Variants in PAK2 observed in about 807,000 individuals in gnomAD.
PAK2 encodes the protein p21 (RAC1) activated kinase 2, also known as serine/threonine-protein kinase PAK 2.
In PAK2, 21 loss-of-function variants were observed where a neutral mutation model predicts 65.9. That is an observed-to-expected ratio of 0.32 (90% CI 0.23 to 0.46). PAK2 has a LOEUF of 0.46. Among genes scored for constraint, PAK2 ranks in the 20% least tolerant of loss-of-function variants. The pLI is 1.00. For missense variants in PAK2, 324 were observed against 642.6 expected (o/e 0.50, Z 5.36); for synonymous variants, 204 against 219.7 (o/e 0.93, Z 0.63).
chr3:196,821,790 G>T (rs1711663009), intron 13 of PAK2, among the ~76,000 whole-genome samples: 1 of 152,202 alleles, frequency 6.6e-6, no homozygotes, highest in African/African-American at 2.4e-5. Context: ...TGACAATTCT[G>T]TGTGAAGTTA....
At chr3:196,815,521 T>G (rs1271882991) in intron 11 of PAK2, among the ~76,000 whole-genome samples, 5 of 146,850 alleles carry the variant, frequency 3.4e-5, no homozygotes, top group African/African-American at 7.6e-5. Context: ...GGGTACAGTG[T>G]CTCTCGCCTG....
chr3:196,816,271 T>TAA (rs1032637622), intron 11 of PAK2, among the ~76,000 whole-genome samples: 5 of 152,176 alleles, frequency 3.3e-5, no homozygotes, highest in Non-Finnish European at 7.4e-5. Context: ...ATTAAGGTGT[T>TAA]AAAAATATTA....
chr3:196,741,567 A>G (rs1384157357), intron 1 of PAK2, among the ~76,000 whole-genome samples: 1 of 152,222 alleles, frequency 6.6e-6, no homozygotes. Flanking sequence ...TGAACCTGTA[A>G]TAGATGTAGG....
At chr3:196,776,417 C>CT (rs906806224) in intron 1 of PAK2, among the ~76,000 whole-genome samples, 24 of 152,232 alleles carry the variant, frequency 1.6e-4, no homozygotes, top group African/African-American at 5.5e-4. Context: ...CATGCAACAC[C>CT]TTTTTTTATT....
chr3:196,814,580 T>C lies in PAK2; in HGVS notation c.1053+12T>C, dbSNP rs369676266. 2 of 1,025,550 alleles carry C rather than the reference T, an allele frequency of 2.0e-6. No homozygotes were observed. Among genetic ancestry groups the C allele is most frequent in the South Asian group, 2.6e-5 (2 of 76,498 alleles). The allele number at this position is 1,025,550 out of a possible 1,614,324, so 63.5% of individuals were successfully genotyped here. On this transcript the variant is annotated intron_variant, in intron 11 of 14. Transcript: ENST00000327134. The stretch of plus-strand genomic sequence containing the variant: ...CTGTATGCAGAGAGGTAGGTTTGCC[T>C]CCTTCTTGATATGTTATGGTGATAT...
chr3:196,765,143 CTTT>C (rs58406576), intron 1 of PAK2, among the ~76,000 whole-genome samples: 2,193 of 98,788 alleles, frequency 0.022, 46 homozygotes, highest in Admixed American at 0.079. Flanking sequence ...CGTGCCCGGC[CTTT>C]TTTTTTTTTT....
intron 7 of PAK2, chr3:196,808,182 C>T (rs1715648554): frequency 7.5e-6 from 2 of 266,936 alleles, no homozygotes; most frequent in Non-Finnish European, 1.4e-5. Flanking sequence ...GCTGGATGTG[C>T]TGGCATGTGC....
At chr3:196,811,987 TTC>T (rs1279190914) in intron 8 of PAK2, among the ~76,000 whole-genome samples, 1 of 152,138 alleles carries the variant, frequency 6.6e-6, no homozygotes, top group East Asian at 1.9e-4. Context: ...CTGCTCTTTT[TTC>T]CCTACATTTT....
intron 2 of PAK2, among the ~76,000 whole-genome samples, chr3:196,800,037 G>A (rs1349050844): frequency 6.6e-6 from 1 of 152,194 alleles, no homozygotes; most frequent in Non-Finnish European, 1.5e-5. Context: ...TAAATGAAAA[G>A]ATTTGCTGTT....
chr3:196,811,225 CT>C (rs1715785337), intron 8 of PAK2, among the ~76,000 whole-genome samples: 1 of 35,484 alleles, frequency 2.8e-5, no homozygotes, highest in Non-Finnish European at 5.6e-5. Flanking sequence ...CCCTCCCTCC[CT>C]TCCCTTCCCT....
At chr3:196,815,141 C>G (rs887697465) in intron 11 of PAK2, among the ~76,000 whole-genome samples, 6 of 151,766 alleles carry the variant, frequency 4.0e-5, no homozygotes, top group African/African-American at 1.5e-4. Flanking sequence ...GATCACACCA[C>G]TGCACTCCAG....
chr3:196,758,791 GACAGCAGGC>G (rs1713848053), intron 1 of PAK2, among the ~76,000 whole-genome samples: 1 of 152,050 alleles, frequency 6.6e-6, no homozygotes, highest in East Asian at 1.9e-4. Flanking sequence ...GAGTAGCTGG[GACAGCAGGC>G]ACTCATGATC....
intron 14 of PAK2, among the ~76,000 whole-genome samples, chr3:196,827,749 T>C (rs1711930657): frequency 6.6e-6 from 1 of 151,814 alleles, no homozygotes; most frequent in Admixed American, 6.6e-5. Flanking sequence ...ACTTAAAGTA[T>C]TAAAAAAAAA....
intron 13 of PAK2, among the ~76,000 whole-genome samples, chr3:196,825,677 T>C (rs1347125946): frequency 6.6e-6 from 1 of 151,968 alleles, no homozygotes; most frequent in East Asian, 1.9e-4. Context: ...TAAATAAAAT[T>C]CAATTTATAG....
chr3:196,810,288 A>C (rs1476156424), intron 7 of PAK2, among the ~76,000 whole-genome samples: 1 of 152,128 alleles, frequency 6.6e-6, no homozygotes, highest in African/African-American at 2.4e-5. Context: ...CAGTCTTTTC[A>C]AAATGTGACC....
chr3:196,770,399 T>C (rs1714323645), intron 1 of PAK2, among the ~76,000 whole-genome samples: 1 of 151,942 alleles, frequency 6.6e-6, no homozygotes, highest in Non-Finnish European at 1.5e-5. Context: ...ACCTGTAGTC[T>C]CAGCACAGCT....
At chr3:196,777,568 C>T (rs1714576892) in intron 1 of PAK2, among the ~76,000 whole-genome samples, 1 of 152,164 alleles carries the variant, frequency 6.6e-6, no homozygotes, top group African/African-American at 2.4e-5. Flanking sequence ...AACAAAAACT[C>T]TTTGGACTCT....
intron 6 of PAK2, among the ~76,000 whole-genome samples, chr3:196,807,162 G>C (rs1715612873): frequency 6.6e-6 from 1 of 151,894 alleles, no homozygotes; most frequent in Non-Finnish European, 1.5e-5. Flanking sequence ...AATGGAGCCA[G>C]GAAGAGAGGA....
At chr3:196,792,220 A>G (rs1715096101) in intron 2 of PAK2, among the ~76,000 whole-genome samples, 1 of 152,236 alleles carries the variant, frequency 6.6e-6, no homozygotes, top group Non-Finnish European at 1.5e-5. Context: ...TTTTTTTAAA[A>G]GAAAGAACAC....
Sources: allele counts gnomAD v4.1 joint callset (sites outside exome capture counted in the v4.1 genomes callset), GRCh38; gene constraint gnomAD v4.1.1; transcripts MANE v1.5; gene names NCBI Gene and HGNC (gene_info 2026-07-23, HGNC 2026-07-21).